Variants in PRKD1 observed in about 807,000 individuals in gnomAD.
PRKD1 encodes the protein protein kinase D1.
Under a neutral mutation model 95.9 loss-of-function variants are expected in PRKD1, and 63 were observed. The ratio of observed to expected loss-of-function variants is 0.66; its 90% CI spans 0.54 to 0.81. The LOEUF is 0.81. Ranked by LOEUF, PRKD1 falls within the 30% of genes least tolerant of loss-of-function variation. The probability of loss-of-function intolerance (pLI) is 0.00; values close to 1 mark genes in which losing one functional copy is unlikely to be tolerated. For synonymous variants in PRKD1, 425 were observed against 423.1 expected (o/e 1.00, Z -0.05); for missense variants, 1,048 against 1,165.3 (o/e 0.90, Z 1.47).
chr14:29,780,037 A>T (rs1436995184), intron 1 of PRKD1, among the ~76,000 whole-genome samples: 3 of 152,232 alleles, frequency 2.0e-5, no homozygotes. Context: ...AGAAATGGGG[A>T]AAGGATTCCC....
In PRKD1 at chr14:29,781,028, C is replaced by G. The variant is rs947021658; in HGVS notation, c.265-55354G>C. Among the ~76,000 whole-genome samples, 3 of 151,652 alleles carry G rather than the reference C, an allele frequency of 2.0e-5. 1 individual carries two copies. The highest frequency in any genetic ancestry group is 7.3e-5 in the African/African-American group (3 of 41,302). On this transcript the variant is annotated intron_variant, in intron 1 of 17. Transcript: ENST00000331968. ...GCTGGAAACCATCATTCTCAGCAAA[C>G]TATCACAAGGACAGAAAACCAAACA...
In PRKD1 at chr14:29,898,627, A is replaced by G. The variant is rs1267379514; in HGVS notation, c.264+28622T>C. Among the ~76,000 whole-genome samples, 3 of 152,274 alleles carry G rather than the reference A, an allele frequency of 2.0e-5. No homozygotes were observed. The East Asian group carries it at 5.8e-4, about 29-fold the overall frequency. On this transcript the variant is annotated intron_variant, in intron 1 of 17. Coordinates refer to ENST00000331968, the MANE Select transcript of PRKD1 (RefSeq NM_002742.3). ...TCATCAGGTAATTTTTATTGTCTTC[A>G]AACACCACTAGATTGATAATTCTGA... is the stretch of plus-strand genomic sequence containing the variant.
chr14:29,577,484 A>G, intron 17 of PRKD1, 28 bp from the exon 18 acceptor site: 2 of 1,582,878 alleles, frequency 1.3e-6, no homozygotes, highest in Non-Finnish European at 8.7e-7. Flanking sequence ...AAATATTACC[A>G]TAGAGATCAT....
chr14:29,919,233 T>C (rs1190584752), intron 1 of PRKD1, among the ~76,000 whole-genome samples: 1 of 152,240 alleles, frequency 6.6e-6, no homozygotes, highest in African/African-American at 2.4e-5. Context: ...TAAGCTACTA[T>C]ATCAATTGTC....
intron 1 of PRKD1, among the ~76,000 whole-genome samples, chr14:29,815,349 G>A (rs1186829894): frequency 6.6e-6 from 1 of 152,160 alleles, no homozygotes; most frequent in East Asian, 1.9e-4. Context: ...TATCCTTCCA[G>A]CATATTCTCA....
chr14:29,673,145 T>C (rs1882964300), intron 2 of PRKD1, among the ~76,000 whole-genome samples: 1 of 152,116 alleles, frequency 6.6e-6, no homozygotes, highest in South Asian at 2.1e-4. Context: ...ACAAAATAGA[T>C]ACAAACTATG....
At position 29,597,742 on chromosome 14, in the gene PRKD1, A is replaced by G; in HGVS notation, c.2183T>C (p.Phe728Ser). The G allele has an allele frequency of 6.2e-7, 1 of 1,611,192 alleles. No homozygotes were observed. Among genetic ancestry groups the G allele is most frequent in the Non-Finnish European group, 8.5e-7 (1 of 1,178,616 alleles). ...CTCTCCAATGATCCGGGCAAAACCAAAATCACAAAGTTTCACCTGTTGATG... is the reference window on the plus strand; with the variant it reads ...CTCTCCAATGATCCGGGCAAAACCAGAATCACAAAGTTTCACCTGTTGATG... Reference protein sequence around the residue: ...DPFPQVKLCDFGFARIIGEKS... With the variant: ...DPFPQVKLCDSGFARIIGEKS... The change falls in exon 16 of 18, where the codon TTT (phenylalanine) becomes TCT (serine). Residue 728 changes from phenylalanine (F) to serine (S), a missense_variant. Physicochemically the swap from Phe to Ser is radical, Grantham distance 155. Coordinates refer to ENST00000331968, the MANE Select transcript of PRKD1 (RefSeq NM_002742.3).
At chr14:29,784,295 C>T (rs565013874) in intron 1 of PRKD1, among the ~76,000 whole-genome samples, 3 of 152,022 alleles carry the variant, frequency 2.0e-5, no homozygotes, top group South Asian at 2.1e-4. Context: ...GTAACTACAC[C>T]TTTGTATTAT....
At chr14:29,588,250 G>T (rs993674364) in intron 16 of PRKD1, among the ~76,000 whole-genome samples, 1 of 152,102 alleles carries the variant, frequency 6.6e-6, no homozygotes, top group African/African-American at 2.4e-5. Context: ...ACCTACAGCT[G>T]GTTCCTTTTC....
intron 1 of PRKD1, among the ~76,000 whole-genome samples, chr14:29,824,013 A>C (rs555032764): frequency 5.9e-5 from 9 of 152,274 alleles, no homozygotes; most frequent in African/African-American, 2.2e-4. Flanking sequence ...CACACACTGC[A>C]TGCATTCAGT....
chr14:29,890,676 G>T (rs911847852), intron 1 of PRKD1, among the ~76,000 whole-genome samples: 33 of 151,988 alleles, frequency 2.2e-4, no homozygotes, highest in African/African-American at 8.0e-4. Flanking sequence ...ATATTCCAAA[G>T]AAAGATAATC....
Position 29,599,817 on chromosome 14 carries a change from T to C in PRKD1, c.1906A>G (p.Asn636Asp). 1 of 1,603,824 alleles carries C rather than the reference T, an allele frequency of 6.2e-7. No individual in the cohort carries two copies. Residue 636 changes from asparagine (N) to aspartate (D), a missense_variant and splice_region_variant, in exon 14 of 18, where the codon AAC (asparagine) becomes GAC (aspartate). By Grantham distance (23) the Asn-to-Asp change is conservative. Around this residue, in one of 3 missense-constraint regions of PRKD1, gnomAD observed 739 missense variants for 861.9 expected, o/e 0.86. Transcript: ENST00000331968. ...QLRNEVAILQ[N>D]LHHPGVVNLE... ...TTTACAACACCAGGGTGATGAAGGT[T>C]CTATTAAAGATAAATAAAGCACTTG...
intron 1 of PRKD1, among the ~76,000 whole-genome samples, chr14:29,787,510 A>C (rs1889330274): frequency 6.6e-6 from 1 of 152,100 alleles, no homozygotes; most frequent in South Asian, 2.1e-4. Context: ...TGGATTCTCC[A>C]GTGCTGAGTG....
At chr14:29,671,877 C>T (rs1336731662) in intron 2 of PRKD1, among the ~76,000 whole-genome samples, 1 of 151,736 alleles carries the variant, frequency 6.6e-6, no homozygotes, top group African/African-American at 2.4e-5. Flanking sequence ...TAAATTTTGC[C>T]CTACTTGATA....
intron 1 of PRKD1, among the ~76,000 whole-genome samples, chr14:29,819,504 C>T (rs971473994): frequency 1.1e-4 from 16 of 151,996 alleles, no homozygotes; most frequent in African/African-American, 2.4e-4. Flanking sequence ...TCCTGGCTAA[C>T]GCAGTGAAAC....
At chr14:29,623,771 C>T (rs1347558321) in intron 13 of PRKD1, among the ~76,000 whole-genome samples, 1 of 152,128 alleles carries the variant, frequency 6.6e-6, no homozygotes, top group East Asian at 1.9e-4. Context: ...ACTCCCGTGA[C>T]TGATATGCTG....
intron 1 of PRKD1, among the ~76,000 whole-genome samples, chr14:29,925,979 C>T (rs938322938): frequency 6.6e-6 from 1 of 152,132 alleles, no homozygotes; most frequent in African/African-American, 2.4e-5. Flanking sequence ...CAGCATTAGA[C>T]AAAACGTGTC....
In PRKD1 at chr14:29,599,741, T is replaced by C. The variant is rs755535179; in HGVS notation, c.1982A>G (p.Lys661Arg). ...TPERVFVVMEKLHGDMLEMIL... is the reference protein window; with the variant it reads ...TPERVFVVMERLHGDMLEMIL... ...CATTTCCAGCATGTCTCCATGGAGT[T>C]TTTCCATAACAACAAACACTCTTTC... is the stretch of plus-strand genomic sequence containing the variant. Residue 661 changes from lysine to arginine, a missense_variant, in exon 14 of 18, where the codon AAA becomes AGA. By Grantham distance (26) the Lys-to-Arg change is conservative. This residue lies in a region of PRKD1 where 739 missense variants were observed against 861.9 expected (regional missense o/e 0.86). Coordinates refer to ENST00000331968, the MANE Select transcript of PRKD1 (RefSeq NM_002742.3). 17 of 1,613,398 alleles carry C rather than the reference T, an allele frequency of 1.1e-5. 1 individual carries two copies. In the South Asian group the frequency reaches 1.9e-4, roughly 18 times the overall value.
intron 1 of PRKD1, among the ~76,000 whole-genome samples, chr14:29,837,910 T>A (rs45464098): frequency 0.015 from 2,298 of 152,308 alleles, 58 homozygotes; most frequent in African/African-American, 0.047. Context: ...GTATGGTAAA[T>A]TTACTCCATC....
Sources: gnomAD v4.1 joint callset for allele counts (sites outside exome capture counted in the v4.1 genomes callset) on GRCh38, gnomAD v4.1.1 for gene constraint, gnomAD v4.1.1 regional missense constraint, MANE v1.5 for transcripts, NCBI Gene and HGNC (gene_info 2026-07-23, HGNC 2026-07-21) for gene names.